PSD2: variants seen among roughly 807,000 people sequenced by gnomAD.
The protein encoded by PSD2 is pleckstrin and Sec7 domain containing 2.
PSD2 carries 38 observed loss-of-function variants against 69.8 expected under a neutral mutation model. That is an observed-to-expected ratio of 0.54 (90% CI 0.42 to 0.71). The LOEUF (loss-of-function observed/expected upper bound fraction) is 0.71, where lower values mean the gene tolerates loss of function less well. PSD2 is among the 30% of genes least tolerant of loss of function. PSD2 has a pLI of 0.00. For missense variants in PSD2, 943 were observed against 1,014.5 expected, an observed-to-expected ratio of 0.93 and a Z score of 0.96; for synonymous variants, 412 against 423.0, an observed-to-expected ratio of 0.97 and a Z score of 0.32.
chr5:139,782,223 G>A, the PSD2 span, among the ~76,000 whole-genome samples: 1 of 152,082 alleles, frequency 6.6e-6, no homozygotes, highest in Non-Finnish European at 1.5e-5. Flanking sequence ...CACTCTTGTT[G>A]CCCAGGCTGG....
chr5:139,776,090 C>A, the PSD2 span, among the ~76,000 whole-genome samples: 5 of 152,214 alleles, frequency 3.3e-5, no homozygotes, highest in African/African-American at 1.2e-4. Context: ...CAGATATATA[C>A]CCCATCACCA....
At chr5:139,803,143 G>C (rs1382291248) in intron 1 of PSD2, among the ~76,000 whole-genome samples, 2 of 152,262 alleles carry the variant, frequency 1.3e-5, no homozygotes, top group African/African-American at 4.8e-5. Context: ...GCCTGGCCTT[G>C]GGTGAGGGTG....
At chr5:139,768,176 C>T in the PSD2 span, among the ~76,000 whole-genome samples, 23 of 152,184 alleles carry the variant, frequency 1.5e-4, no homozygotes, top group Non-Finnish European at 3.1e-4. Context: ...AAGGGAATAT[C>T]CTACAGCAGG....
At chr5:139,775,797 T>A in the PSD2 span, among the ~76,000 whole-genome samples, 1 of 152,240 alleles carries the variant, frequency 6.6e-6, no homozygotes, top group Non-Finnish European at 1.5e-5. Context: ...GCCTCCCAAG[T>A]CGCTGGAATT....
At chr5:139,748,051 G>A in the PSD2 span, among the ~76,000 whole-genome samples, 5 of 152,250 alleles carry the variant, frequency 3.3e-5, no homozygotes, top group South Asian at 4.1e-4. Context: ...CCCGCGGGCG[G>A]GAGGGGGCGA....
chr5:139,819,511 C>T (rs1471617936), intron 5 of PSD2, among the ~76,000 whole-genome samples: 2 of 152,168 alleles, frequency 1.3e-5, no homozygotes, highest in African/African-American at 4.8e-5. Context: ...GGAAAAGTGG[C>T]CATGTGTTTA....
chr5:139,822,019 C>G lies in PSD2; in HGVS notation c.1210+14C>G. 6.5e-7 allele frequency: 1 copy of G among 1,541,990 alleles called. No homozygotes were observed. Among genetic ancestry groups the G allele is most frequent in the Non-Finnish European group, 8.9e-7 (1 of 1,122,922 alleles). ...GCACTTCGGAAGGTATGGCCCCTTG[C>G]CCACTCTGCCTGACCCTCCCCACCC... On this transcript the variant is annotated intron_variant, in intron 6 of 14. Coordinates refer to ENST00000274710, the MANE Select transcript of PSD2 (RefSeq NM_032289.4).
At chr5:139,832,164 A>AT (rs1163524794) in intron 7 of PSD2, among the ~76,000 whole-genome samples, 2 of 152,132 alleles carry the variant, frequency 1.3e-5, no homozygotes, top group African/African-American at 2.4e-5. Context: ...TTGCCGTGTT[A>AT]TTTTTTGATT....
chr5:139,774,647 C>G, the PSD2 span, among the ~76,000 whole-genome samples: 1 of 152,008 alleles, frequency 6.6e-6, no homozygotes, highest in African/African-American at 2.4e-5. Flanking sequence ...CCCACCACCA[C>G]GCCCGGCTAA....
At chr5:139,820,279 C>T (rs763905033) in intron 5 of PSD2, among the ~76,000 whole-genome samples, 3 of 150,702 alleles carry the variant, frequency 2.0e-5, no homozygotes, top group Admixed American at 6.6e-5. Context: ...AGACAGGCTA[C>T]GGTTTGAATG....
At chr5:139,830,576 T>TTC (rs1386980777) in intron 7 of PSD2, among the ~76,000 whole-genome samples, 4 of 136,074 alleles carry the variant, frequency 2.9e-5, no homozygotes, top group African/African-American at 9.7e-5. Context: ...CTTTCTTTCT[T>TTC]TCTTTCTTTC....
chr5:139,764,719 G>C, the PSD2 span, among the ~76,000 whole-genome samples: 1 of 152,298 alleles, frequency 6.6e-6, no homozygotes, highest in Middle Eastern at 3.4e-3. Flanking sequence ...CTGAGCAGGG[G>C]GCTCCTTATT....
the PSD2 span, among the ~76,000 whole-genome samples, chr5:139,785,190 C>T: frequency 6.6e-6 from 1 of 151,332 alleles, no homozygotes; most frequent in African/African-American, 2.4e-5. Context: ...TTCTCCTCTC[C>T]TCTCCTCTCC....
the PSD2 span, among the ~76,000 whole-genome samples, chr5:139,789,541 G>A: frequency 6.6e-6 from 1 of 152,174 alleles, no homozygotes; most frequent in Non-Finnish European, 1.5e-5. Flanking sequence ...TCATGCCCCT[G>A]CATTCCAGCC....
At chr5:139,766,914 TTCCTTCCTTCCTTCCC>T in the PSD2 span, among the ~76,000 whole-genome samples, 12,496 of 44,054 alleles carry the variant, frequency 0.28, 2,174 homozygotes, top group Admixed American at 0.37. Flanking sequence ...CCTCCCTTCC[TTCCTTCCTTCCTTCCC>T]TTCTTTCTTT....
the PSD2 span, among the ~76,000 whole-genome samples, chr5:139,786,755 G>A: frequency 1.3e-5 from 2 of 152,066 alleles, no homozygotes; most frequent in African/African-American, 4.8e-5. Flanking sequence ...GTTGGAATGG[G>A]GACGGCTTCT....
chr5:139,819,463 A>G (rs1055905053), intron 5 of PSD2, among the ~76,000 whole-genome samples: 1 of 152,130 alleles, frequency 6.6e-6, no homozygotes, highest in Non-Finnish European at 1.5e-5. Context: ...TGCCTTTTAC[A>G]TCTTTTATAT....
chr5:139,838,749 T>C lies in PSD2; in HGVS notation c.1945T>C (p.Ser649Pro), dbSNP rs1356980133. 1 of 1,613,080 alleles carries C rather than the reference T, an allele frequency of 6.2e-7. No individual in the cohort carries two copies. ...GAAGTTCTGTCGGCCCCTGCTGCCCTCCTGCACCACCCGCCTCTGCCAGGT... is the reference window on the plus strand; with the variant it reads ...GAAGTTCTGTCGGCCCCTGCTGCCCCCCTGCACCACCCGCCTCTGCCAGGT... ...MKKFCRPLLP[S>P]CTTRLCQEEQ... The change falls in exon 13 of 15, where the codon TCC (serine) becomes CCC (proline). Residue 649 changes from serine to proline, a missense_variant. Transcript: ENST00000274710.
chr5:139,824,180 C>A (rs1006496849), intron 7 of PSD2, among the ~76,000 whole-genome samples: 10 of 152,190 alleles, frequency 6.6e-5, no homozygotes, highest in African/African-American at 2.4e-4. Flanking sequence ...CTGGCTGGGC[C>A]TCCCTATGGC....
Sources: gnomAD v4.1 joint callset for allele counts (sites outside exome capture counted in the v4.1 genomes callset) on GRCh38, gnomAD v4.1.1 for gene constraint, MANE v1.5 for transcripts, NCBI Gene and HGNC (gene_info 2026-07-23, HGNC 2026-07-21) for gene names.